The following DMRT1 variants were observed in gnomAD, a reference collection of about 807,000 sequenced individuals.
DMRT1 encodes doublesex- and mab-3-related transcription factor 1.
A neutral mutation model predicts 32.3 loss-of-function variants in DMRT1; 7 were observed. The ratio of observed to expected loss-of-function variants is 0.22; its 90% CI spans 0.12 to 0.41. The LOEUF is 0.41. DMRT1 is among the 10% of genes least tolerant of loss of function. The pLI, the probability that DMRT1 is intolerant of heterozygous loss-of-function variation, is 1.00. For missense variants in DMRT1, 625 were observed against 500.5 expected (o/e 1.25, Z -2.37); for synonymous variants, 278 against 206.1 (o/e 1.35, Z -2.99).
chr9:890,926 C>T (rs1817123451), intron 2 of DMRT1, among the ~76,000 whole-genome samples: 1 of 149,658 alleles, frequency 6.7e-6, no homozygotes, highest in Non-Finnish European at 1.5e-5. Context: ...GACGGGGTTT[C>T]ACCATGTTGG....
intron 4 of DMRT1, among the ~76,000 whole-genome samples, chr9:939,150 T>A (rs916863216): frequency 1.3e-5 from 2 of 152,258 alleles, no homozygotes; most frequent in East Asian, 3.8e-4. Context: ...ATTTAGTGGA[T>A]CCTGACCTAG....
At chr9:932,016 C>A (rs897667851) in intron 4 of DMRT1, among the ~76,000 whole-genome samples, 1 of 152,138 alleles carries the variant, frequency 6.6e-6, no homozygotes, top group African/African-American at 2.4e-5. Flanking sequence ...AACACAGAGA[C>A]CCCAGCCCAC....
At chr9:930,277 A>G (rs915780705) in intron 4 of DMRT1, among the ~76,000 whole-genome samples, 1 of 151,830 alleles carries the variant, frequency 6.6e-6, no homozygotes. Context: ...TGGCATGATA[A>G]TAGCTCATTG....
At chr9:908,009 A>G (rs1202496574) in intron 3 of DMRT1, among the ~76,000 whole-genome samples, 1 of 152,252 alleles carries the variant, frequency 6.6e-6, no homozygotes, top group Non-Finnish European at 1.5e-5. Context: ...CAGTTGAACA[A>G]CACAAGTTAA....
At chr9:896,070 T>G (rs1179042298) in intron 3 of DMRT1, among the ~76,000 whole-genome samples, 1 of 152,112 alleles carries the variant, frequency 6.6e-6, no homozygotes, top group South Asian at 2.1e-4. Flanking sequence ...CCCAAAGTGC[T>G]GGGATTACAG....
chr9:856,384 C>A (rs12351866), intron 2 of DMRT1, among the ~76,000 whole-genome samples: 5 of 152,138 alleles, frequency 3.3e-5, no homozygotes, highest in African/African-American at 1.2e-4. Flanking sequence ...ACATTTCAGT[C>A]ACTCCCCATG....
chr9:848,967 A>C (rs536150767), intron 2 of DMRT1, among the ~76,000 whole-genome samples: 1 of 135,694 alleles, frequency 7.4e-6, no homozygotes, highest in South Asian at 2.4e-4. Context: ...GGTCATGGCT[A>C]ATCTGGTGGA....
At chr9:860,416 C>G (rs1015914065) in intron 2 of DMRT1, among the ~76,000 whole-genome samples, 2 of 152,068 alleles carry the variant, frequency 1.3e-5, no homozygotes, top group African/African-American at 4.8e-5. Flanking sequence ...GAATTCATCT[C>G]TGCTGGAGAG....
intron 4 of DMRT1, among the ~76,000 whole-genome samples, chr9:961,816 C>G (rs1564279044): frequency 6.6e-6 from 1 of 152,182 alleles, no homozygotes. Context: ...ATTTAGACAG[C>G]TGACAGAGGA....
intron 2 of DMRT1, among the ~76,000 whole-genome samples, chr9:862,059 G>T (rs1815726513): frequency 6.6e-6 from 1 of 151,040 alleles, no homozygotes; most frequent in African/African-American, 2.4e-5. Context: ...CCCAGACGAT[G>T]GGCGGCCAGG....
At chr9:897,259 C>T (rs1339380616) in intron 3 of DMRT1, among the ~76,000 whole-genome samples, 5 of 151,814 alleles carry the variant, frequency 3.3e-5, no homozygotes, top group African/African-American at 7.3e-5. Flanking sequence ...ACTACAGGCA[C>T]GTGCCATCAC....
intron 2 of DMRT1, among the ~76,000 whole-genome samples, chr9:860,043 T>A (rs900801711): frequency 6.6e-5 from 10 of 152,030 alleles, no homozygotes; most frequent in Admixed American, 1.3e-4. Context: ...ACGCCTGTAA[T>A]CCCAGCACTT....
At chr9:893,000 T>C (rs16925404) in intron 2 of DMRT1, among the ~76,000 whole-genome samples, 5,791 of 152,210 alleles carry the variant, frequency 0.038, 154 homozygotes, top group African/African-American at 0.078. Context: ...TCCATGAATT[T>C]CTAACTAGGC....
intron 2 of DMRT1, among the ~76,000 whole-genome samples, chr9:847,530 T>G (rs1361089363): frequency 6.6e-6 from 1 of 152,168 alleles, no homozygotes; most frequent in Non-Finnish European, 1.5e-5. Flanking sequence ...GGAAAGTGTC[T>G]AGAAAGGCCA....
intron 4 of DMRT1, among the ~76,000 whole-genome samples, chr9:918,697 G>A (rs1818260895): frequency 6.9e-6 from 1 of 145,614 alleles, no homozygotes; most frequent in Non-Finnish European, 1.5e-5. Context: ...TTAAGTAGGA[G>A]GCCCAAGCTT....
intron 2 of DMRT1, among the ~76,000 whole-genome samples, chr9:876,497 G>C (rs907963010): frequency 2.0e-5 from 3 of 151,284 alleles, no homozygotes; most frequent in African/African-American, 7.3e-5. Context: ...TCTTTTCCAG[G>C]AAACTGCTAG....
intron 4 of DMRT1, among the ~76,000 whole-genome samples, chr9:961,534 G>C (rs1460556134): frequency 6.6e-6 from 1 of 152,170 alleles, no homozygotes; most frequent in Non-Finnish European, 1.5e-5. Flanking sequence ...AGACATTCTG[G>C]TGTTTGATTT....
At chr9:933,856 C>G (rs1818802655) in intron 4 of DMRT1, among the ~76,000 whole-genome samples, 1 of 152,106 alleles carries the variant, frequency 6.6e-6, no homozygotes, top group African/African-American at 2.4e-5. Flanking sequence ...CCTGAGAAAA[C>G]AAGTCCCATA....
intron 1 of DMRT1, among the ~76,000 whole-genome samples, chr9:845,709 T>C (rs73639434): frequency 0.02 from 2,971 of 152,228 alleles, 83 homozygotes; most frequent in African/African-American, 0.066. Context: ...CTTTCCCCAC[T>C]GCTTCTCCCG....
Sources: gnomAD v4.1 joint callset for allele counts (sites outside exome capture counted in the v4.1 genomes callset) on GRCh38, gnomAD v4.1.1 for gene constraint, MANE v1.5 for transcripts, NCBI Gene and HGNC (gene_info 2026-07-23, HGNC 2026-07-21) for gene names.